The following PRMT8 variants were observed in gnomAD, a reference collection of about 807,000 sequenced individuals.
The protein encoded by PRMT8 is protein arginine methyltransferase 8, also known as protein arginine N-methyltransferase 8.
In PRMT8, 7 loss-of-function variants were observed where a neutral mutation model predicts 47.1. That is an observed-to-expected ratio of 0.15 (90% CI 0.08 to 0.28). The LOEUF (loss-of-function observed/expected upper bound fraction) is 0.28. Ranked by LOEUF, PRMT8 falls within the 10% of genes least tolerant of loss-of-function variation. The pLI is 1.00. For missense variants in PRMT8, 237 were observed against 505.4 expected (o/e 0.47, Z 5.09); for synonymous variants, 188 against 186.5 (o/e 1.01, Z -0.07).
At chr12:3,549,390 C>T (rs1866378540) in intron 2 of PRMT8, among the ~76,000 whole-genome samples, 1 of 152,162 alleles carries the variant, frequency 6.6e-6, no homozygotes, top group South Asian at 2.1e-4. Flanking sequence ...CACTACCATA[C>T]ACAGAATTAA....
At chr12:3,391,128 T>A (rs1207461915) in intron 1 of PRMT8, among the ~76,000 whole-genome samples, 2 of 152,168 alleles carry the variant, frequency 1.3e-5, no homozygotes, top group Non-Finnish European at 2.9e-5. Context: ...ATCCTGTGAT[T>A]CATTTTTTTC....
intron 1 of PRMT8, among the ~76,000 whole-genome samples, chr12:3,454,464 A>AG (rs1258395134): frequency 6.6e-6 from 1 of 152,108 alleles, no homozygotes; most frequent in African/African-American, 2.4e-5. Context: ...AAAGCACTCT[A>AG]GGGGAGGGGG....
At chr12:3,392,380 G>C (rs1206784494) in intron 1 of PRMT8, among the ~76,000 whole-genome samples, 1 of 108,952 alleles carries the variant, frequency 9.2e-6, no homozygotes, top group Admixed American at 1.4e-4. Flanking sequence ...CCCCACAACA[G>C]TCCCCAGAGT....
In PRMT8 at chr12:3,540,627, C is replaced by A; in HGVS notation, c.97C>A (p.Pro33Thr). 4 of 1,420,344 alleles carry A rather than the reference C, an allele frequency of 2.8e-6. No homozygotes were observed. Among genetic ancestry groups the A allele is most frequent in the Non-Finnish European group, 3.9e-6 (4 of 1,012,970 alleles). 88.0% of individuals were successfully genotyped at this position (1,420,344 alleles called of 1,614,324 possible). A position where few individuals can be genotyped will look rare whatever the true frequency, so the allele number is the denominator to read the frequency against. ...TCAGGTGAACAGCCCCCCCTCCCAG[C>A]CCCCCCAGCCCGTCGTCCCTGCTAA... ...STEVNSPPSQ[P>T]PQPVVPAKPV... The change falls in exon 2 of 10, where the codon CCC becomes ACC. Residue 33 changes from proline to threonine, a missense_variant. By Grantham distance (38) the Pro-to-Thr change is conservative. Around this residue, in one of 5 missense-constraint regions of PRMT8, gnomAD observed 43 missense variants for 32.4 expected, o/e 1.33. Transcript: ENST00000382622.
At position 3,558,946 on chromosome 12, in the gene PRMT8, C is replaced by G. The variant is rs543562590; in HGVS notation, c.481+5232C>G. 1.2e-4 allele frequency among the ~76,000 whole-genome samples: 17 copies of G among 145,740 alleles called. No individual in the cohort carries two copies. In the East Asian group the frequency reaches 2.7e-3, roughly 23 times the overall value. On this transcript the variant is annotated intron_variant, in intron 4 of 9. Coordinates refer to ENST00000382622, the MANE Select transcript of PRMT8 (RefSeq NM_019854.5). ...CATTATTCACCAAACTAACATTTAT[C>G]TGTCTATCTATCTACCTATCTATCT...
chr12:3,444,776 G>A (rs1864839225), intron 1 of PRMT8, among the ~76,000 whole-genome samples: 2 of 152,260 alleles, frequency 1.3e-5, no homozygotes, highest in Non-Finnish European at 2.9e-5. Flanking sequence ...TTTGCCCAAT[G>A]GCAAGAGTGG....
chr12:3,476,823 C>T (rs1865219500), intron 1 of PRMT8, among the ~76,000 whole-genome samples: 1 of 152,174 alleles, frequency 6.6e-6, no homozygotes, highest in Non-Finnish European at 1.5e-5. Flanking sequence ...TCTATGCATG[C>T]AGCAAGACTG....
At chr12:3,561,539 G>A (rs548702008) in intron 4 of PRMT8, among the ~76,000 whole-genome samples, 3 of 152,226 alleles carry the variant, frequency 2.0e-5, no homozygotes, top group South Asian at 4.2e-4. Flanking sequence ...CACTGCTCCC[G>A]GTTTGTGATG....
chr12:3,472,451 G>C (rs1865170453), intron 1 of PRMT8, among the ~76,000 whole-genome samples: 1 of 152,236 alleles, frequency 6.6e-6, no homozygotes, highest in African/African-American at 2.4e-5. Flanking sequence ...AAGGTGCTTG[G>C]CTTTGGTGTA....
At chr12:3,454,894 G>T (rs1487861871) in intron 1 of PRMT8, among the ~76,000 whole-genome samples, 1 of 152,184 alleles carries the variant, frequency 6.6e-6, no homozygotes, top group African/African-American at 2.4e-5. Flanking sequence ...TAGTCCTTCA[G>T]GTCCTACATA....
chr12:3,468,515 C>T (rs1294773394), intron 1 of PRMT8, among the ~76,000 whole-genome samples: 1 of 152,208 alleles, frequency 6.6e-6, no homozygotes, highest in Admixed American at 6.5e-5. Context: ...CAGCTCCTCC[C>T]AACACTGAGG....
At chr12:3,423,615 ACCACCTGCCCACTGGT>A (rs1864567390) in intron 1 of PRMT8, among the ~76,000 whole-genome samples, 1 of 152,196 alleles carries the variant, frequency 6.6e-6, no homozygotes, top group Non-Finnish European at 1.5e-5. Flanking sequence ...CAATAACACA[ACCACCTGCCCACTGGT>A]CAGGTAATTT....
chr12:3,495,428 C>T (rs1865490398), intron 1 of PRMT8, among the ~76,000 whole-genome samples: 1 of 152,234 alleles, frequency 6.6e-6, no homozygotes, highest in African/African-American at 2.4e-5. Flanking sequence ...ACTCTTCCCT[C>T]TGCCTGTGCC....
intron 1 of PRMT8, chr12:3,463,321 A>G (rs1318419109): frequency 1.3e-5 from 2 of 152,200 alleles, no homozygotes; most frequent in Non-Finnish European, 2.9e-5. Context: ...AAGTATACAC[A>G]TCCAGACCTG....
At chr12:3,577,102 T>G in intron 7 of PRMT8, 116 bp downstream of exon 7, 1 of 831,630 alleles carries the variant, frequency 1.2e-6, no homozygotes, top group East Asian at 2.5e-5. Context: ...AAGGCTGCCT[T>G]GGCCAGAGCC....
At chr12:3,458,812 C>T (rs1865004797) in intron 1 of PRMT8, among the ~76,000 whole-genome samples, 1 of 152,212 alleles carries the variant, frequency 6.6e-6, no homozygotes, top group African/African-American at 2.4e-5. Context: ...GATAGACACT[C>T]CCTTCCGAGG....
At chr12:3,489,837 GCGCACACA>G (rs1865359961), upstream of PRMT8, among the ~76,000 whole-genome samples, 4 of 137,220 alleles carry the variant, frequency 2.9e-5, no homozygotes, top group Non-Finnish European at 6.1e-5. Flanking sequence ...ACACACACGC[GCGCACACA>G]CACACACACA....
intron 4 of PRMT8, among the ~76,000 whole-genome samples, chr12:3,554,986 T>C (rs1007845568): frequency 6.6e-6 from 1 of 152,206 alleles, no homozygotes; most frequent in African/African-American, 2.4e-5. Flanking sequence ...CCTGTGTCCA[T>C]GTGGCTTCAG....
chr12:3,537,169 T>C (rs1866133141), intron 1 of PRMT8, among the ~76,000 whole-genome samples: 3 of 152,256 alleles, frequency 2.0e-5, no homozygotes, highest in Admixed American at 1.3e-4. Context: ...AACTCTTACA[T>C]ATGCAGAGCT....
Sources: gnomAD v4.1 joint callset for allele counts (sites outside exome capture counted in the v4.1 genomes callset) on GRCh38, gnomAD v4.1.1 for gene constraint, gnomAD v4.1.1 regional missense constraint, MANE v1.5 for transcripts, NCBI Gene and HGNC (gene_info 2026-07-23, HGNC 2026-07-21) for gene names.